Variants in DHX37 observed in about 807,000 individuals in gnomAD.
The protein encoded by DHX37 is probable ATP-dependent RNA helicase DHX37.
In DHX37, 52 loss-of-function variants were observed where a neutral mutation model predicts 134.3. That is an observed-to-expected ratio of 0.39 (90% CI 0.31 to 0.49). DHX37 has a LOEUF of 0.49. Among genes scored for constraint, DHX37 ranks in the 20% least tolerant of loss-of-function variants. The pLI is 0.93. For synonymous variants in DHX37, 634 were observed against 670.7 expected (o/e 0.95, Z 0.85); for missense variants, 1,344 against 1,580.8 (o/e 0.85, Z 2.54).
rs755060262 is a variant in DHX37, at chr12:124,957,039, TCTGGGGCGGTTG to T, written c.2242_2253del (p.Gln748_Gln751del). On this transcript the variant is annotated inframe_deletion, in exon 17 of 27. Transcript: ENST00000308736. ...ATCTCTTGGCCTTACCTTTCTGCTT[TCTGGGGCGGTTG>T]CAGGGCACCCAGTGCGATCAACAGC... The T allele has an allele frequency of 2.0e-6, 3 of 1,513,930 alleles. No homozygotes were observed. Among genetic ancestry groups the T allele is most frequent in the Non-Finnish European group, 1.8e-6 (2 of 1,134,856 alleles). 93.8% of individuals were successfully genotyped at this position (1,513,930 alleles called of 1,614,324 possible).
chr12:124,978,941 A>T (rs1182192255), intron 4 of DHX37, among the ~76,000 whole-genome samples: 1 of 151,898 alleles, frequency 6.6e-6, no homozygotes, highest in Non-Finnish European at 1.5e-5. Context: ...CAAAAAAAAA[A>T]AAAAGATTAA....
Position 124,958,965 on chromosome 12 carries a change from A to G in DHX37, c.2157+1347T>C, listed in dbSNP as rs545059995. Among the ~76,000 whole-genome samples the G allele has an allele frequency of 7.5e-5, 11 of 146,438 alleles. No homozygotes were observed. The South Asian group carries it at 2.2e-3, about 29-fold the overall frequency. On this transcript the variant is annotated intron_variant, in intron 16 of 26. Transcript: ENST00000308736. ...TGCTCTGTCTCCCAGTCTGGAGTGC[A>G]ACGGCATGATCTTGGCTCACTGCAA...
At position 124,980,655 on chromosome 12, in the gene DHX37, A is replaced by G. The variant is rs150112271; in HGVS notation, c.573T>C (p.Gly191=). The G allele has an allele frequency of 4.6e-4, 741 of 1,601,348 alleles. No homozygotes were observed. In the African/African-American group the frequency reaches 8.5e-3, roughly 18 times the overall value. The change falls in exon 4 of 27, where the codon GGT becomes GGC. Residue 191 remains glycine, a synonymous_variant. Transcript: ENST00000308736. This position sits in a 1 kb window ranked among gnomAD's most constrained non-coding sequence, Gnocchi z 5.3. The part of the protein sequence containing the change: ...EDPAAEPAEA[G]VGTTVAPLPP... ...GCAGAGGTGCCACGGTGGTCCCCAC[A>G]CCAGCCTCAGCCGGCTCAGCAGCTG... is the stretch of plus-strand genomic sequence containing the variant.
chr12:124,965,524 T>C (rs952443072), intron 13 of DHX37, 144 bp downstream of exon 13: 26 of 1,346,342 alleles, frequency 1.9e-5, no homozygotes, highest in Middle Eastern at 2.7e-4. Context: ...TGAGGCCTCC[T>C]CGTGCCAGGC....
intron 2 of DHX37, among the ~76,000 whole-genome samples, chr12:124,983,840 A>AGG (rs1462870862): frequency 6.6e-6 from 1 of 151,644 alleles, no homozygotes; most frequent in Non-Finnish European, 1.5e-5. Context: ...CCCCCTACCA[A>AGG]GGCTCTGGGG....
chr12:124,985,505 G>A (rs11613211), intron 2 of DHX37, among the ~76,000 whole-genome samples: 45,280 of 150,850 alleles, frequency 0.3, 7,151 homozygotes, highest in South Asian at 0.48. Context: ...GGGAGGCCGA[G>A]GCGGGCGGAT....
In DHX37 at chr12:124,964,963, C is replaced by T. The variant is rs147263033; in HGVS notation, c.1779G>A (p.Leu593=). ...DASLPLHVLP[L]YSLLAPEKQA... is the part of the protein sequence containing the mutation. ...GCTTCTCTGGGGCCAGCAGAGAGTA[C>T]AGCGGGAGCACGTGGAGCGGGAGGG... The change falls in exon 14 of 27, where the codon CTG becomes CTA. Residue 593 remains leucine, a synonymous_variant. Transcript: ENST00000308736. 37 of 1,599,114 alleles carry T rather than the reference C, an allele frequency of 2.3e-5. No homozygotes were observed. The African/African-American group carries it at 4.1e-4, about 18-fold the overall frequency.
intron 17 of DHX37, 41 bp downstream of exon 17, chr12:124,956,988 T>C: frequency 2.0e-6 from 3 of 1,523,808 alleles, no homozygotes; most frequent in Non-Finnish European, 2.6e-6. Context: ...GAGAGGGCCC[T>C]GAACGGGGCA....
rs747848684 is a variant in DHX37, at chr12:124,988,952, G to A, written c.71C>T (p.Pro24Leu). 6.7e-6 allele frequency: 9 copies of A among 1,342,564 alleles called. No individual in the cohort carries two copies. Among genetic ancestry groups the A allele is most frequent in the Non-Finnish European group, 8.7e-6 (9 of 1,037,872 alleles). 83.2% of individuals were successfully genotyped at this position (1,342,564 alleles called of 1,614,324 possible). The change falls in exon 1 of 27, where the codon CCC (proline) becomes CTC (leucine). Residue 24 changes from proline (P) to leucine (L), a missense_variant. Pro to Leu is a moderately conservative substitution (Grantham distance 98). Around this residue, in one of 7 missense-constraint regions of DHX37, gnomAD observed 319 missense variants for 296.1 expected, o/e 1.08. Coordinates refer to ENST00000308736, the MANE Select transcript of DHX37 (RefSeq NM_032656.4). ...CAGCTGCACGGGGGGCGGCTCGGGG[G>A]GGCCCTTCGAGGGTCCGGGGCCCGC... ...QQAGPGPSKGPPEPPPVQLEL... is the reference protein window; with the variant it reads ...QQAGPGPSKGLPEPPPVQLEL...
rs978651607 is a variant in DHX37 at position 124,986,537 on chromosome 12, C to T, written c.107-272G>A. Among the ~76,000 whole-genome samples, 4 of 151,926 alleles carry T rather than the reference C, an allele frequency of 2.6e-5. No homozygotes were observed. The East Asian group carries it at 7.9e-4, about 30-fold the overall frequency. ...ACCAGCCTGGCCTATGTGGCGAAAC[C>T]CTGTCTCTACTAAAAATACAAAAAT... On this transcript the variant is annotated intron_variant, in intron 1 of 26. Coordinates refer to ENST00000308736, the MANE Select transcript of DHX37 (RefSeq NM_032656.4).
At chr12:124,948,326 T>C in intron 25 of DHX37, 145 bp from the exon 26 acceptor site, 1 of 1,382,166 alleles carries the variant, frequency 7.2e-7, no homozygotes. Context: ...GACATGCACC[T>C]GTAGCCCCAG....
In DHX37 at chr12:124,953,906, C is replaced by T. The variant is rs1214952529; in HGVS notation, c.2669G>A (p.Arg890His). 2.2e-5 allele frequency: 36 copies of T among 1,611,770 alleles called. No individual in the cohort carries two copies. Among genetic ancestry groups the T allele is most frequent in the Non-Finnish European group, 2.7e-5 (32 of 1,179,414 alleles). ...LRYKAMMEIR[R>H]LRGQLTTAVN... is the part of the protein sequence containing the mutation. ...TGCGGTGGTCAGCTGGCCCCGCAGG[C>T]GCCGGATCTCCATCATGGCTTTGTA... Residue 890 changes from arginine to histidine, a missense_variant, in exon 20 of 27, where the codon CGC (arginine) becomes CAC (histidine). Transcript: ENST00000308736.
intron 2 of DHX37, 75 bp from the exon 3 acceptor site, chr12:124,982,698 A>C (rs1013467634): frequency 6.4e-7 from 1 of 1,560,582 alleles, no homozygotes; most frequent in Non-Finnish European, 8.7e-7. Flanking sequence ...GACTGTAATA[A>C]AATTTCAGCA....
intron 6 of DHX37, among the ~76,000 whole-genome samples, chr12:124,972,924 C>T (rs905307257): frequency 6.6e-6 from 1 of 152,258 alleles, no homozygotes; most frequent in African/African-American, 2.4e-5. Flanking sequence ...ACTTCACAGA[C>T]TTGGCAACTA....
intron 8 of DHX37, 152 bp downstream of exon 8, chr12:124,971,150 G>C (rs1356093483): frequency 7.8e-7 from 1 of 1,283,698 alleles, no homozygotes; most frequent in Non-Finnish European, 1.1e-6. Context: ...ACTAGGCCTA[G>C]ACCTAGGCCC....
At chr12:124,973,378 TG>T (rs1159813248) in intron 6 of DHX37, among the ~76,000 whole-genome samples, 4 of 151,522 alleles carry the variant, frequency 2.6e-5, no homozygotes, top group Non-Finnish European at 5.9e-5. Flanking sequence ...AACTCCAGCC[TG>T]GGTGACAAAG....
intron 16 of DHX37, 89 bp from the exon 17 acceptor site, chr12:124,957,224 A>G (rs1594478329): frequency 1.6e-6 from 2 of 1,238,716 alleles, no homozygotes; most frequent in Non-Finnish European, 2.2e-6. Context: ...CACTCCCTCC[A>G]ACCCCTCTCT....
At chr12:124,988,845 G>A (rs1954922696) in intron 1 of DHX37, 72 bp downstream of exon 1, 1 of 974,608 alleles carries the variant, frequency 1.0e-6, no homozygotes, top group Non-Finnish European at 1.4e-6. Flanking sequence ...CCCCACCCGA[G>A]AGTCCTGAAG....
At chr12:124,968,036 T>G (rs185018266) in intron 10 of DHX37, among the ~76,000 whole-genome samples, 1 of 151,582 alleles carries the variant, frequency 6.6e-6, no homozygotes, top group Admixed American at 6.6e-5. Flanking sequence ...AGCCAAGATC[T>G]GCCACTGCAC....
Sources: gnomAD v4.1 joint callset for allele counts (sites outside exome capture counted in the v4.1 genomes callset) on GRCh38, gnomAD v4.1.1 for gene constraint, gnomAD v4.1.1 regional missense constraint, Gnocchi (gnomAD v3.1) non-coding constraint, MANE v1.5 for transcripts, NCBI Gene and HGNC (gene_info 2026-07-23, HGNC 2026-07-21) for gene names.